Variants in ANAPC10 observed in about 807,000 individuals in gnomAD.
ANAPC10 encodes anaphase-promoting complex subunit 10.
A neutral mutation model predicts 22.0 loss-of-function variants in ANAPC10; 12 were observed. That is an observed-to-expected ratio of 0.55 (90% CI 0.35 to 0.88). ANAPC10 has a LOEUF of 0.88. Among genes scored for constraint, ANAPC10 ranks in the 40% least tolerant of loss-of-function variants. ANAPC10 has a pLI of 0.01. For missense variants in ANAPC10, 188 were observed against 220.9 expected (o/e 0.85, Z 0.94); for synonymous variants, 65 against 69.5 (o/e 0.94, Z 0.32).
chr4:145,063,329 C>CA (rs1299113256), intron 4 of ANAPC10, among the ~76,000 whole-genome samples: 1 of 152,030 alleles, frequency 6.6e-6, no homozygotes, highest in African/African-American at 2.4e-5. Flanking sequence ...AAAACAACAA[C>CA]AAAAATACCT....
intron 4 of ANAPC10, among the ~76,000 whole-genome samples, chr4:145,042,279 C>T (rs1265031893): frequency 3.3e-5 from 5 of 152,064 alleles, no homozygotes; most frequent in Admixed American, 6.6e-5. Flanking sequence ...ACTTCCTGAA[C>T]GTTCCTTGAT....
intron 2 of ANAPC10, 42 bp downstream of exon 2, chr4:145,095,943 A>G (rs762097496): frequency 6.2e-7 from 1 of 1,613,540 alleles, no homozygotes; most frequent in East Asian, 2.2e-5. Flanking sequence ...AGGAAACTGC[A>G]AGTGACTATT....
intron 2 of ANAPC10, among the ~76,000 whole-genome samples, chr4:145,091,435 T>C (rs1747663025): frequency 6.6e-6 from 1 of 152,184 alleles, no homozygotes; most frequent in Non-Finnish European, 1.5e-5. Flanking sequence ...AGATGTTCAA[T>C]TTAATCATAT....
chr4:145,059,287 T>A (rs1287905663), intron 4 of ANAPC10, among the ~76,000 whole-genome samples: 1 of 152,092 alleles, frequency 6.6e-6, no homozygotes, highest in Non-Finnish European at 1.5e-5. Context: ...TAACCACTTC[T>A]GTCAAAGTAC....
intron 4 of ANAPC10, among the ~76,000 whole-genome samples, chr4:145,035,604 G>A (rs898795183): frequency 2.0e-5 from 3 of 152,180 alleles, no homozygotes; most frequent in East Asian, 3.8e-4. Context: ...TTCTTCTGCA[G>A]GACACTTGTC....
intron 4 of ANAPC10, among the ~76,000 whole-genome samples, chr4:145,052,801 G>A (rs548498270): frequency 3.6e-4 from 54 of 151,288 alleles, no homozygotes; most frequent in Middle Eastern, 6.8e-3. Flanking sequence ...GACAGGAGAA[G>A]CGCTTGAACC....
intron 2 of ANAPC10, among the ~76,000 whole-genome samples, chr4:145,092,169 G>C (rs1313718865): frequency 6.6e-6 from 1 of 152,118 alleles, no homozygotes; most frequent in Non-Finnish European, 1.5e-5. Context: ...CTGTCAGGAT[G>C]GGGTAGGGGG....
At chr4:145,026,615 T>C (rs946815206) in intron 4 of ANAPC10, among the ~76,000 whole-genome samples, 4 of 151,480 alleles carry the variant, frequency 2.6e-5, no homozygotes, top group Admixed American at 2.6e-4. Flanking sequence ...TCCAAACTTA[T>C]TATCTGTGCC....
At position 145,029,703 on chromosome 4, in the gene ANAPC10, G is replaced by A. The variant is rs113729318; in HGVS notation, c.328-34100C>T. ...TATGGATTAAAAAATGGCCCACTGT[G>A]AGAGAGGTGGAAATACCTGATCTCC... is the stretch of plus-strand genomic sequence containing the variant. On this transcript the variant is annotated intron_variant, in intron 4 of 4. Coordinates refer to ENST00000507656, the MANE Select transcript of ANAPC10 (RefSeq NM_001256706.2). Among the ~76,000 whole-genome samples the A allele has an allele frequency of 3.2e-3, 490 of 152,280 alleles. 1 individual carries two copies. Among genetic ancestry groups the A allele is most frequent in the Non-Finnish European group, 4.8e-3 (329 of 68,026 alleles).
intron 4 of ANAPC10, among the ~76,000 whole-genome samples, chr4:145,005,318 C>T (rs1397517334): frequency 6.6e-6 from 1 of 152,150 alleles, no homozygotes; most frequent in African/African-American, 2.4e-5. Context: ...GTGGTTACAT[C>T]CCTCTTGTCA....
intron 3 of ANAPC10, among the ~76,000 whole-genome samples, chr4:145,077,469 C>T (rs568827507): frequency 3.3e-5 from 5 of 152,208 alleles, no homozygotes; most frequent in African/African-American, 1.2e-4. Context: ...ATCAACCCTA[C>T]TGAAACGATT....
intron 4 of ANAPC10, among the ~76,000 whole-genome samples, chr4:145,007,632 G>T (rs1733599964): frequency 6.6e-6 from 1 of 152,120 alleles, no homozygotes; most frequent in Non-Finnish European, 1.5e-5. Context: ...AAACCAATGA[G>T]AACAAAGACA....
At chr4:145,090,180 C>G (rs756170010) in intron 2 of ANAPC10, among the ~76,000 whole-genome samples, 2 of 152,152 alleles carry the variant, frequency 1.3e-5, no homozygotes, top group Non-Finnish European at 2.9e-5. Context: ...GCACAAGTCC[C>G]TTATTTAAAA....
At chr4:145,021,249 G>A (rs1013014904) in intron 4 of ANAPC10, among the ~76,000 whole-genome samples, 1 of 152,110 alleles carries the variant, frequency 6.6e-6, no homozygotes, top group African/African-American at 2.4e-5. Flanking sequence ...CAAATCTGGA[G>A]GCATCACACT....
chr4:145,060,650 G>A (rs79111514), intron 4 of ANAPC10, among the ~76,000 whole-genome samples: 73 of 151,774 alleles, frequency 4.8e-4, no homozygotes, highest in East Asian at 4.0e-3. Context: ...AAACATCCAC[G>A]GAAAAATAAA....
chr4:145,073,104 G>C (rs1744715310), intron 3 of ANAPC10, among the ~76,000 whole-genome samples: 1 of 152,050 alleles, frequency 6.6e-6, no homozygotes, highest in African/African-American at 2.4e-5. Context: ...TTATCTCTCA[G>C]GCCAGTTTTG....
intron 1 of ANAPC10, chr4:145,097,459 T>C (rs954814485): frequency 7.8e-7 from 1 of 1,284,044 alleles, no homozygotes; most frequent in East Asian, 5.5e-5. Flanking sequence ...CATTGTTATA[T>C]ATGCTATTCA....
chr4:145,078,808 A>G (rs1038758424), intron 3 of ANAPC10, among the ~76,000 whole-genome samples: 1 of 152,226 alleles, frequency 6.6e-6, no homozygotes, highest in African/African-American at 2.4e-5. Context: ...TTGTACAGGG[A>G]TAACTGGCTA....
intron 4 of ANAPC10, 135 bp downstream of exon 4, chr4:145,064,437 C>A: frequency 1.6e-6 from 1 of 640,616 alleles, no homozygotes; most frequent in East Asian, 3.1e-5. Flanking sequence ...AAATTTTACA[C>A]TCAAACATGT....
Sources: allele counts gnomAD v4.1 joint callset (sites outside exome capture counted in the v4.1 genomes callset), GRCh38; gene constraint gnomAD v4.1.1; transcripts MANE v1.5; gene names NCBI Gene and HGNC (gene_info 2026-07-23, HGNC 2026-07-21).